Variants in XKR4 observed in about 807,000 individuals in gnomAD.
XKR4 encodes the protein XK-related protein 4.
A neutral mutation model predicts 53.9 loss-of-function variants in XKR4; 12 were observed. The ratio of observed to expected loss-of-function variants is 0.22; its 90% CI spans 0.14 to 0.36. XKR4 has a LOEUF of 0.36. Among genes scored for constraint, XKR4 ranks in the 10% least tolerant of loss-of-function variants. The pLI is 1.00. For missense variants in XKR4, 799 were observed against 859.5 expected (o/e 0.93, Z 0.88); for synonymous variants, 354 against 362.4 (o/e 0.98, Z 0.26).
rs737392 is a variant in XKR4, at chr8:55,400,668, G to C, written c.1006+42791G>C. On this transcript the variant is annotated intron_variant, in intron 2 of 2. Coordinates refer to ENST00000327381, the MANE Select transcript of XKR4 (RefSeq NM_052898.2). Reference sequence around the variant, plus strand: ...CAATGATCTAATCTAAACCCAAAAGGTCTCCATTCCCACAGGGAATGAAAA... The same window carrying C: ...CAATGATCTAATCTAAACCCAAAAGCTCTCCATTCCCACAGGGAATGAAAA... 2.6e-5 allele frequency among the ~76,000 whole-genome samples: 4 copies of C among 152,014 alleles called. No homozygotes were observed. The East Asian group carries it at 5.8e-4, about 22-fold the overall frequency.
chr8:55,524,299 T>G lies in XKR4; in HGVS notation c.*72T>G. The G allele has an allele frequency of 7.0e-7, 1 of 1,435,422 alleles. No homozygotes were observed. Among genetic ancestry groups the G allele is most frequent in the Non-Finnish European group, 9.5e-7 (1 of 1,048,810 alleles). 88.9% of individuals were successfully genotyped at this position (1,435,422 alleles called of 1,614,324 possible). ...AGCAGGGCTGTGGCCATAATGACAC[T>G]TCATCCTAGAGCAGGGCAGTGAGCC... On this transcript the variant is annotated 3_prime_UTR_variant, in exon 3 of 3. Coordinates refer to ENST00000327381, the MANE Select transcript of XKR4 (RefSeq NM_052898.2).
At chr8:55,490,134 C>A (rs1806251035) in intron 2 of XKR4, among the ~76,000 whole-genome samples, 2 of 152,182 alleles carry the variant, frequency 1.3e-5, no homozygotes, top group Admixed American at 1.3e-4. Flanking sequence ...GCTTTCCCTA[C>A]AACATAAACT....
At chr8:55,170,284 G>C (rs1817140343) in intron 1 of XKR4, among the ~76,000 whole-genome samples, 1 of 152,132 alleles carries the variant, frequency 6.6e-6, no homozygotes, top group South Asian at 2.1e-4. Context: ...TGAAAATAAG[G>C]TTGTGAATCA....
chr8:55,541,793 C>T lies in XKR4; in HGVS notation c.*17566C>T, dbSNP rs185420514. On this transcript the variant is annotated 3_prime_UTR_variant, in exon 3 of 3. Transcript: ENST00000327381. ...ATTCAAATTCCATGTATCCAAACAT[C>T]CCTTTAGCGTTCAGATTGTAAGTGT... The T allele has an allele frequency of 2.1e-4, 32 of 152,250 alleles. No individual in the cohort carries two copies. Among genetic ancestry groups the T allele is most frequent in the Admixed American group, 1.2e-3 (18 of 15,290 alleles). The allele number at this position is 152,250 out of a possible 1,614,324, so 9.4% of individuals were successfully genotyped here.
At chr8:55,343,371 G>A (rs184990904) in intron 1 of XKR4, among the ~76,000 whole-genome samples, 35 of 152,304 alleles carry the variant, frequency 2.3e-4, no homozygotes, top group East Asian at 1.9e-3. Flanking sequence ...TTCCACGGAA[G>A]CCATTTCCAG....
At chr8:55,324,551 C>T (rs756263618) in intron 1 of XKR4, among the ~76,000 whole-genome samples, 3 of 152,116 alleles carry the variant, frequency 2.0e-5, no homozygotes, top group Non-Finnish European at 4.4e-5. Flanking sequence ...TTCCTCTGAC[C>T]ACGAAGTTTT....
chr8:55,158,963 G>A, intron 1 of XKR4, among the ~76,000 whole-genome samples: 1 of 152,160 alleles, frequency 6.6e-6, no homozygotes, highest in East Asian at 1.9e-4. Context: ...GGACATTCTG[G>A]CTCTTTTTTG....
intron 1 of XKR4, among the ~76,000 whole-genome samples, chr8:55,212,515 C>G (rs769706212): frequency 6.6e-6 from 1 of 152,056 alleles, no homozygotes; most frequent in East Asian, 1.9e-4. Context: ...AAATTCCAAG[C>G]GGAGGGAGGT....
In XKR4 at chr8:55,189,326, G is replaced by A. The variant is rs554711188; in HGVS notation, c.806+86032G>A. 5.3e-5 allele frequency among the ~76,000 whole-genome samples: 8 copies of A among 152,130 alleles called. No individual in the cohort carries two copies. The South Asian group carries it at 8.3e-4, about 16-fold the overall frequency. Reference sequence around the variant, plus strand: ...GTAGTTCTGAAACTTCTTAAGAAACGTCTGCCGAGGCACAGCTAATGTATG... The same window carrying A: ...GTAGTTCTGAAACTTCTTAAGAAACATCTGCCGAGGCACAGCTAATGTATG... On this transcript the variant is annotated intron_variant, in intron 1 of 2. Coordinates refer to ENST00000327381, the MANE Select transcript of XKR4 (RefSeq NM_052898.2).
intron 1 of XKR4, among the ~76,000 whole-genome samples, chr8:55,347,455 T>C (rs1452806510): frequency 6.6e-6 from 1 of 152,170 alleles, no homozygotes; most frequent in Non-Finnish European, 1.5e-5. Context: ...AATCACAAAG[T>C]CAAGATGTTG....
intron 2 of XKR4, among the ~76,000 whole-genome samples, chr8:55,373,480 T>C (rs1247147316): frequency 6.6e-6 from 1 of 152,186 alleles, no homozygotes; most frequent in Non-Finnish European, 1.5e-5. Flanking sequence ...ACTCCAAAAA[T>C]ATTTTAAACA....
intron 1 of XKR4, among the ~76,000 whole-genome samples, chr8:55,228,190 GC>G (rs1817982816): frequency 6.6e-6 from 1 of 152,204 alleles, no homozygotes; most frequent in Non-Finnish European, 1.5e-5. Flanking sequence ...GGGATTACAA[GC>G]GTGAGCCAGT....
At position 55,503,790 on chromosome 8, in the gene XKR4, G is replaced by A. The variant is rs545111331; in HGVS notation, c.1007-19491G>A. On this transcript the variant is annotated intron_variant, in intron 2 of 2. Transcript: ENST00000327381. ...CCTTGTCTTTTTCTTGACCTTAGAA[G>A]AAAAGCTTTCAGTCTTTTACCATCA... 1.5e-4 allele frequency among the ~76,000 whole-genome samples: 23 copies of A among 152,248 alleles called. No homozygotes were observed. The East Asian group carries it at 3.5e-3, about 23-fold the overall frequency.
intron 2 of XKR4, among the ~76,000 whole-genome samples, chr8:55,380,417 A>G (rs906274106): frequency 6.6e-5 from 10 of 152,244 alleles, no homozygotes; most frequent in South Asian, 2.1e-4. Flanking sequence ...AAAATTATCC[A>G]GCAAAGACAT....
intron 2 of XKR4, among the ~76,000 whole-genome samples, chr8:55,479,722 C>G (rs1408922333): frequency 6.6e-6 from 1 of 151,988 alleles, no homozygotes; most frequent in Non-Finnish European, 1.5e-5. Context: ...GGGATATCAC[C>G]ACCAATCCCA....
intron 2 of XKR4, among the ~76,000 whole-genome samples, chr8:55,448,624 G>T (rs549288951): frequency 1.3e-5 from 2 of 152,292 alleles, no homozygotes; most frequent in African/African-American, 4.8e-5. Context: ...CTACTCTTTA[G>T]TAAGGTTATT....
At position 55,131,163 on chromosome 8, in the gene XKR4, A is replaced by AAACAACAAC. The variant is rs56967446; in HGVS notation, c.806+27884_806+27892dup. Among the ~76,000 whole-genome samples the AAACAACAAC allele has an allele frequency of 3.5e-4, 52 of 150,324 alleles. 1 individual carries two copies. Among genetic ancestry groups the AAACAACAAC allele is most frequent in the Middle Eastern group, 3.4e-3 (1 of 292 alleles). ...AACAAGAGCGAAATGGCTGTCTCAA[A>AAACAACAAC]AACAACAACAACAACAACAACAAAT... is the stretch of plus-strand genomic sequence containing the variant. On this transcript the variant is annotated intron_variant, in intron 1 of 2. Transcript: ENST00000327381.
chr8:55,190,257 A>G (rs1817428282), intron 1 of XKR4, among the ~76,000 whole-genome samples: 1 of 152,248 alleles, frequency 6.6e-6, no homozygotes, highest in African/African-American at 2.4e-5. Flanking sequence ...GTGCTTCACC[A>G]AGTAAAATTG....
chr8:55,252,924 C>T (rs150785704), intron 1 of XKR4, among the ~76,000 whole-genome samples: 126 of 152,178 alleles, frequency 8.3e-4, no homozygotes, highest in African/African-American at 2.9e-3. Context: ...ATTTCTGGGG[C>T]TCGTTGCCTT....
Sources: allele counts gnomAD v4.1 joint callset (sites outside exome capture counted in the v4.1 genomes callset), GRCh38; gene constraint gnomAD v4.1.1; transcripts MANE v1.5; gene names NCBI Gene and HGNC (gene_info 2026-07-23, HGNC 2026-07-21).